The following RNF150 variants were observed in gnomAD, a reference collection of about 807,000 sequenced individuals.
RNF150 encodes ring finger protein 150.
RNF150 carries 24 observed loss-of-function variants against 39.3 expected under a neutral mutation model. The observed-to-expected ratio is 0.61, with a 90% CI of 0.44 to 0.86. RNF150 has a LOEUF of 0.86. RNF150 is among the 40% of genes least tolerant of loss of function. RNF150 has a pLI of 0.00. For synonymous variants in RNF150, 255 were observed against 227.3 expected (o/e 1.12, Z -1.10); for missense variants, 502 against 587.8 (o/e 0.85, Z 1.51).
chr4:140,980,843 A>G (rs1431063305), intron 1 of RNF150, among the ~76,000 whole-genome samples: 1 of 152,174 alleles, frequency 6.6e-6, no homozygotes, highest in Non-Finnish European at 1.5e-5. Context: ...ATAGAGCATG[A>G]GAACAGACTA....
intron 1 of RNF150, among the ~76,000 whole-genome samples, chr4:141,210,291 G>A (rs1005765333): frequency 1.3e-5 from 2 of 152,084 alleles, no homozygotes; most frequent in Non-Finnish European, 2.9e-5. Flanking sequence ...TGGAGTCAGG[G>A]AACACCACAG....
chr4:141,147,636 A>G (rs1234667168), intron 1 of RNF150, among the ~76,000 whole-genome samples: 1 of 152,160 alleles, frequency 6.6e-6, no homozygotes, highest in Non-Finnish European at 1.5e-5. Context: ...TGGGCTTGCA[A>G]ATATTTCCTC....
intron 2 of RNF150, among the ~76,000 whole-genome samples, chr4:140,962,728 C>T (rs1733090425): frequency 1.3e-5 from 2 of 152,036 alleles, no homozygotes; most frequent in South Asian, 2.1e-4. Flanking sequence ...CCAGGCTCAG[C>T]GGCTTTAAAA....
At chr4:141,048,848 A>G (rs1736676599) in intron 1 of RNF150, among the ~76,000 whole-genome samples, 1 of 152,230 alleles carries the variant, frequency 6.6e-6, no homozygotes, top group South Asian at 2.1e-4. Context: ...AGACACGTAT[A>G]TAGCTTTGTG....
chr4:140,933,388 G>C (rs1026488491), intron 4 of RNF150, among the ~76,000 whole-genome samples: 14 of 152,156 alleles, frequency 9.2e-5, no homozygotes, highest in Non-Finnish European at 2.1e-4. Context: ...ACTCTGAAAT[G>C]CTCTAAAATC....
chr4:141,159,538 GTTGTTTT>G (rs375278033), intron 1 of RNF150, among the ~76,000 whole-genome samples: 17 of 151,854 alleles, frequency 1.1e-4, no homozygotes, highest in African/African-American at 1.4e-4. Context: ...TTTTGTTTTT[GTTGTTTT>G]TTGTTTTTTG....
At chr4:141,071,872 G>A (rs1028889518) in intron 1 of RNF150, among the ~76,000 whole-genome samples, 1 of 152,162 alleles carries the variant, frequency 6.6e-6, no homozygotes, top group African/African-American at 2.4e-5. Flanking sequence ...GGCTGGCATT[G>A]TCAAGTCCTG....
At chr4:141,077,124 G>C (rs1161096500) in intron 1 of RNF150, among the ~76,000 whole-genome samples, 1 of 152,160 alleles carries the variant, frequency 6.6e-6, no homozygotes, top group Non-Finnish European at 1.5e-5. Context: ...AAGGGGGATA[G>C]AAATCAATGT....
intron 6 of RNF150, among the ~76,000 whole-genome samples, chr4:140,898,015 C>T (rs1730025793): frequency 6.6e-6 from 1 of 152,136 alleles, no homozygotes; most frequent in Non-Finnish European, 1.5e-5. Flanking sequence ...TGCTGTCTAA[C>T]AAAGACCTAC....
Position 140,862,679 on chromosome 4 carries a change from T to C in RNF150, c.*5582A>G, listed in dbSNP as rs560025645. On this transcript the variant is annotated 3_prime_UTR_variant, in exon 7 of 7. Transcript: ENST00000515673. Reference sequence around the variant, plus strand: ...GCTAAGGGATGATGAGAAACTCATATTAGCTTCTTAGAATTAATTTATTTT... The same window carrying C: ...GCTAAGGGATGATGAGAAACTCATACTAGCTTCTTAGAATTAATTTATTTT... 6.6e-6 allele frequency: 1 copy of C among 152,342 alleles called. No individual in the cohort carries two copies. The highest frequency in any genetic ancestry group is 1.9e-4 in the East Asian group (1 of 5,188). 9.4% of individuals were successfully genotyped at this position (152,342 alleles called of 1,614,324 possible). A position where few individuals can be genotyped will look rare whatever the true frequency, so the allele number is the denominator to read the frequency against.
At chr4:141,148,746 C>T (rs948854195) in intron 1 of RNF150, among the ~76,000 whole-genome samples, 2 of 152,140 alleles carry the variant, frequency 1.3e-5, no homozygotes, top group African/African-American at 4.8e-5. Context: ...CAGCGCTTTT[C>T]ACTCTTAAAT....
chr4:140,865,700 C>A lies in RNF150; in HGVS notation c.*2561G>T, dbSNP rs1342180357. The A allele has an allele frequency of 1.3e-5, 2 of 152,552 alleles. No individual in the cohort carries two copies. Among genetic ancestry groups the A allele is most frequent in the African/African-American group, 4.8e-5 (2 of 41,424 alleles). The allele number at this position is 152,552 out of a possible 1,614,324, so 9.4% of individuals were successfully genotyped here. On this transcript the variant is annotated 3_prime_UTR_variant, in exon 7 of 7. Coordinates refer to ENST00000515673, the MANE Select transcript of RNF150 (RefSeq NM_020724.2). ...GCCAGCCTCGGGTTGGCCTTTCAGACCCCTCATCGTCTATGAGGCATCCTG... is the reference window on the plus strand; with the variant it reads ...GCCAGCCTCGGGTTGGCCTTTCAGAACCCTCATCGTCTATGAGGCATCCTG...
intron 1 of RNF150, among the ~76,000 whole-genome samples, chr4:141,122,108 T>C (rs1043641722): frequency 6.6e-6 from 1 of 152,030 alleles, no homozygotes; most frequent in Non-Finnish European, 1.5e-5. Context: ...TGAAAGAAAA[T>C]GAGCCCCAGA....
chr4:140,921,691 T>C (rs575691865), intron 5 of RNF150, among the ~76,000 whole-genome samples: 63 of 152,222 alleles, frequency 4.1e-4, no homozygotes, highest in African/African-American at 1.5e-3. Flanking sequence ...ACCAATATCC[T>C]TGATGAACAT....
At chr4:141,141,274 A>G (rs917288787) in intron 1 of RNF150, among the ~76,000 whole-genome samples, 2 of 152,180 alleles carry the variant, frequency 1.3e-5, no homozygotes, top group Admixed American at 1.3e-4. Flanking sequence ...GAAATTGATG[A>G]TGTTTAAAGA....
intron 1 of RNF150, among the ~76,000 whole-genome samples, chr4:141,085,663 G>A (rs903729001): frequency 1.3e-5 from 2 of 152,182 alleles, no homozygotes; most frequent in African/African-American, 4.8e-5. Context: ...GAATCTGTGA[G>A]CATAAAAAAT....
At chr4:141,052,182 T>C (rs564246436) in intron 1 of RNF150, among the ~76,000 whole-genome samples, 42 of 152,136 alleles carry the variant, frequency 2.8e-4, no homozygotes, top group Non-Finnish European at 4.7e-4. Flanking sequence ...ATGAGAATTG[T>C]AGGAGTTACA....
chr4:140,913,000 G>A (rs369544448), intron 5 of RNF150, among the ~76,000 whole-genome samples: 9 of 151,176 alleles, frequency 6.0e-5, no homozygotes, highest in South Asian at 4.2e-4. Context: ...TGGGCTGGGC[G>A]TGGTGGCTCA....
At chr4:141,209,221 TAAAA>T (rs1728422471) in intron 1 of RNF150, among the ~76,000 whole-genome samples, 1 of 92,744 alleles carries the variant, frequency 1.1e-5, no homozygotes, top group Non-Finnish European at 2.6e-5. Flanking sequence ...GAGTTATAAT[TAAAA>T]GTTATAATTA....
Sources: gnomAD v4.1 joint callset for allele counts (sites outside exome capture counted in the v4.1 genomes callset) on GRCh38, gnomAD v4.1.1 for gene constraint, MANE v1.5 for transcripts, NCBI Gene and HGNC (gene_info 2026-07-23, HGNC 2026-07-21) for gene names.